DLGAP1: variants seen among roughly 807,000 people sequenced by gnomAD.
The protein encoded by DLGAP1 is DLG associated protein 1.
In DLGAP1, 11 loss-of-function variants were observed where a neutral mutation model predicts 90.8. The ratio of observed to expected loss-of-function variants is 0.12; its 90% CI spans 0.08 to 0.20. DLGAP1 has a LOEUF of 0.20. DLGAP1 is among the 10% of genes least tolerant of loss of function. The pLI is 1.00. For missense variants in DLGAP1, 1,050 were observed against 1,333.8 expected (o/e 0.79, Z 3.31); for synonymous variants, 558 against 540.7 (o/e 1.03, Z -0.44).
At chr18:3,683,629 G>A (rs774367400) in intron 7 of DLGAP1, among the ~76,000 whole-genome samples, 7 of 152,188 alleles carry the variant, frequency 4.6e-5, no homozygotes, top group Non-Finnish European at 8.8e-5. Context: ...TGAGGGATGT[G>A]CAGCAGTAAT....
At chr18:4,440,120 C>CAAAAAAAAA (rs35152199) in intron 1 of DLGAP1, among the ~76,000 whole-genome samples, 2 of 49,348 alleles carry the variant, frequency 4.1e-5, no homozygotes, top group African/African-American at 7.9e-5. Flanking sequence ...ACTCCGTCAC[C>CAAAAAAAAA]AAAAAAAAAA....
intron 10 of DLGAP1, among the ~76,000 whole-genome samples, chr18:3,514,758 T>C (rs2143974517): frequency 6.6e-6 from 1 of 152,306 alleles, no homozygotes; most frequent in South Asian, 2.1e-4. Flanking sequence ...TGCTAAAAAA[T>C]GCTAATGGTA....
At chr18:4,298,909 G>A (rs770080438) in intron 1 of DLGAP1, among the ~76,000 whole-genome samples, 6 of 151,776 alleles carry the variant, frequency 4.0e-5, no homozygotes, top group Non-Finnish European at 5.9e-5. Flanking sequence ...GTGAAACCCC[G>A]TCTCTACTAA....
intron 1 of DLGAP1, among the ~76,000 whole-genome samples, chr18:4,284,658 C>T (rs1001966992): frequency 2.0e-5 from 3 of 152,168 alleles, no homozygotes; most frequent in South Asian, 2.1e-4. Context: ...CTAGTTTGCT[C>T]GGCTTTCACT....
At chr18:4,189,652 G>A (rs948914648) in intron 1 of DLGAP1, among the ~76,000 whole-genome samples, 4 of 151,918 alleles carry the variant, frequency 2.6e-5, no homozygotes, top group Non-Finnish European at 5.9e-5. Flanking sequence ...GAACCAGAAC[G>A]GTCAACAAAA....
chr18:3,959,616 T>C (rs1011260236), intron 3 of DLGAP1, among the ~76,000 whole-genome samples: 1 of 150,912 alleles, frequency 6.6e-6, no homozygotes, highest in Admixed American at 6.6e-5. Context: ...GGGAGCTGAG[T>C]TCATACCACT....
intron 1 of DLGAP1, among the ~76,000 whole-genome samples, chr18:4,178,755 T>C (rs148174288): frequency 0.027 from 4,066 of 152,240 alleles, 157 homozygotes; most frequent in African/African-American, 0.087. Context: ...ATACAGAGCT[T>C]GATAAATCTC....
At chr18:3,815,627 T>C (rs1209161105) in intron 4 of DLGAP1, among the ~76,000 whole-genome samples, 1 of 152,208 alleles carries the variant, frequency 6.6e-6, no homozygotes, top group African/African-American at 2.4e-5. Flanking sequence ...AGTCATTTTT[T>C]CTGAGTTCAG....
At chr18:4,085,579 A>C (rs1360484752) in intron 2 of DLGAP1, among the ~76,000 whole-genome samples, 1 of 152,212 alleles carries the variant, frequency 6.6e-6, no homozygotes, top group African/African-American at 2.4e-5. Flanking sequence ...AAATACTTTG[A>C]GAGCAAAACC....
At chr18:4,117,909 ATG>A (rs890302655) in intron 2 of DLGAP1, among the ~76,000 whole-genome samples, 4 of 152,170 alleles carry the variant, frequency 2.6e-5, no homozygotes, top group African/African-American at 9.6e-5. Context: ...ATTATTCCGT[ATG>A]TGGTTTAGTG....
rs192011891 is a variant in DLGAP1 at position 3,646,643 on chromosome 18, A to G, written c.1592-64395T>C. Among the ~76,000 whole-genome samples the G allele has an allele frequency of 1.8e-4, 28 of 152,014 alleles. No homozygotes were observed. The East Asian group carries it at 5.3e-3, about 29-fold the overall frequency. On this transcript the variant is annotated intron_variant, in intron 7 of 12. Coordinates refer to ENST00000315677, the MANE Select transcript of DLGAP1 (RefSeq NM_004746.4). Reference sequence around the variant, plus strand: ...ATTGCTCTTTAAAAAATATTGTAACAGCCGGGCACGGTGGCTCATGCCTGT... The same window carrying G: ...ATTGCTCTTTAAAAAATATTGTAACGGCCGGGCACGGTGGCTCATGCCTGT...
chr18:4,190,456 T>A (rs922757070), intron 1 of DLGAP1, among the ~76,000 whole-genome samples: 2 of 152,244 alleles, frequency 1.3e-5, no homozygotes, highest in East Asian at 3.9e-4. Flanking sequence ...GGTAGATGCA[T>A]GACATTATAC....
intron 3 of DLGAP1, among the ~76,000 whole-genome samples, chr18:3,922,049 A>G (rs917510132): frequency 2.6e-5 from 4 of 152,134 alleles, no homozygotes; most frequent in Non-Finnish European, 5.9e-5. Flanking sequence ...CTCCTGCAGG[A>G]GACAGGGAAT....
chr18:4,251,444 G>A (rs1356113378), intron 1 of DLGAP1, among the ~76,000 whole-genome samples: 1 of 152,170 alleles, frequency 6.6e-6, no homozygotes. Flanking sequence ...CCTGTCTCTA[G>A]TAACCAATGT....
In DLGAP1 at chr18:4,032,170, C is replaced by T. The variant is rs2074806167; in HGVS notation, c.-158-26969G>A. Reference sequence around the variant, plus strand: ...GAAGGTGATTGCTGACATTTTCATACTGACATTTGAAAAGAATTTCCAAAA... The same window carrying T: ...GAAGGTGATTGCTGACATTTTCATATTGACATTTGAAAAGAATTTCCAAAA... On this transcript the variant is annotated intron_variant, in intron 2 of 12. Transcript: ENST00000315677. Among the ~76,000 whole-genome samples, 2 of 152,224 alleles carry T rather than the reference C, an allele frequency of 1.3e-5. 1 individual carries two copies. Among genetic ancestry groups the T allele is most frequent in the South Asian group, 4.1e-4 (2 of 4,836 alleles).
At chr18:4,283,461 G>A (rs912538173) in intron 1 of DLGAP1, among the ~76,000 whole-genome samples, 1 of 151,940 alleles carries the variant, frequency 6.6e-6, no homozygotes, top group South Asian at 2.1e-4. Flanking sequence ...ACCACCAATG[G>A]GTAAAGGGCC....
intron 2 of DLGAP1, among the ~76,000 whole-genome samples, chr18:4,047,729 T>A (rs1463611520): frequency 2.6e-5 from 4 of 152,250 alleles, no homozygotes; most frequent in Non-Finnish European, 5.9e-5. Flanking sequence ...ATATGGTCCA[T>A]GAATCTGCTT....
intron 1 of DLGAP1, among the ~76,000 whole-genome samples, chr18:4,346,949 C>A (rs140125244): frequency 1.3e-5 from 2 of 151,544 alleles, no homozygotes; most frequent in East Asian, 1.9e-4. Context: ...ATAAACAAAC[C>A]ATTGGTAACC....
intron 2 of DLGAP1, among the ~76,000 whole-genome samples, chr18:4,129,144 A>G (rs2076275830): frequency 6.6e-6 from 1 of 152,206 alleles, no homozygotes; most frequent in Non-Finnish European, 1.5e-5. Flanking sequence ...GGCTACCGAA[A>G]TGTGACAGCT....
Sources: allele counts gnomAD v4.1 joint callset (sites outside exome capture counted in the v4.1 genomes callset), GRCh38; gene constraint gnomAD v4.1.1; transcripts MANE v1.5; gene names NCBI Gene and HGNC (gene_info 2026-07-23, HGNC 2026-07-21).